The following ASTN2 variants were observed in gnomAD, a reference collection of about 807,000 sequenced individuals.
ASTN2 encodes astrotactin 2, also known as astrotactin-2.
Under a neutral mutation model 139.8 loss-of-function variants are expected in ASTN2, and 54 were observed. The observed-to-expected ratio is 0.39, with a 90% confidence interval of 0.31 to 0.48. The LOEUF is 0.48. ASTN2 is among the 20% of genes least tolerant of loss of function. The probability of loss-of-function intolerance (pLI) is 0.95; values close to 1 mark genes in which losing one functional copy is unlikely to be tolerated. For missense variants in ASTN2, 1,565 were observed against 1,725.1 expected (o/e 0.91, Z 1.64); for synonymous variants, 756 against 719.5 (o/e 1.05, Z -0.81).
At chr9:116,812,264 G>T (rs548089282) in intron 12 of ASTN2, among the ~76,000 whole-genome samples, 1 of 152,290 alleles carries the variant, frequency 6.6e-6, no homozygotes, top group East Asian at 1.9e-4. Flanking sequence ...ACATGGCAAA[G>T]GAGACTTTGA....
chr9:116,691,938 C>A (rs919429689), intron 16 of ASTN2, among the ~76,000 whole-genome samples: 6 of 152,128 alleles, frequency 3.9e-5, no homozygotes, highest in Admixed American at 2.6e-4. Flanking sequence ...GTAGGATGGA[C>A]CTTTATGTCT....
chr9:117,238,713 T>C (rs1833118496), intron 2 of ASTN2, among the ~76,000 whole-genome samples: 1 of 152,184 alleles, frequency 6.6e-6, no homozygotes, highest in African/African-American at 2.4e-5. Flanking sequence ...TGGACTCTTC[T>C]CTGATTCTCA....
intron 3 of ASTN2, among the ~76,000 whole-genome samples, chr9:117,163,368 A>G (rs1830596595): frequency 6.6e-6 from 1 of 152,082 alleles, no homozygotes; most frequent in Admixed American, 6.6e-5. Flanking sequence ...AGGACTGCCA[A>G]GTTTTCATCC....
chr9:116,634,417 C>T (rs111546860), intron 17 of ASTN2, among the ~76,000 whole-genome samples: 9,856 of 151,276 alleles, frequency 0.065, 389 homozygotes, highest in East Asian at 0.13. Context: ...GGTGAAACCC[C>T]GTCTCTACTA....
intron 7 of ASTN2, among the ~76,000 whole-genome samples, chr9:116,998,469 C>A (rs1187496660): frequency 1.3e-5 from 2 of 152,096 alleles, no homozygotes; most frequent in South Asian, 2.1e-4. Context: ...ACCCTGAGAA[C>A]TCTCCATGGT....
intron 10 of ASTN2, among the ~76,000 whole-genome samples, chr9:116,954,068 T>A (rs1203263111): frequency 6.6e-6 from 1 of 152,186 alleles, no homozygotes; most frequent in East Asian, 1.9e-4. Flanking sequence ...TAGCAGAGAT[T>A]CTAATAACAG....
intron 13 of ASTN2, among the ~76,000 whole-genome samples, chr9:116,796,888 G>A (rs1051590618): frequency 1.3e-5 from 2 of 152,044 alleles, no homozygotes; most frequent in African/African-American, 2.4e-5. Context: ...CATGGCTCAC[G>A]GCAGCCTTAA....
intron 3 of ASTN2, among the ~76,000 whole-genome samples, chr9:117,148,155 AC>A (rs549330791): frequency 6.9e-4 from 105 of 152,288 alleles, no homozygotes; most frequent in African/African-American, 2.5e-3. Context: ...ATGGACATTG[AC>A]CATATTGCCT....
At chr9:117,350,818 T>C (rs1829364856) in intron 1 of ASTN2, among the ~76,000 whole-genome samples, 2 of 152,128 alleles carry the variant, frequency 1.3e-5, no homozygotes, top group African/African-American at 4.8e-5. Context: ...TTGTCATATA[T>C]GAACAAAATG....
intron 19 of ASTN2, among the ~76,000 whole-genome samples, chr9:116,507,416 A>G (rs147418585): frequency 1.1e-4 from 16 of 152,280 alleles, no homozygotes; most frequent in African/African-American, 3.4e-4. Context: ...ACAGAGTCCA[A>G]TTAGAATCAA....
chr9:116,709,844 T>C (rs1250958087), intron 16 of ASTN2, among the ~76,000 whole-genome samples: 2 of 152,168 alleles, frequency 1.3e-5, no homozygotes, highest in African/African-American at 4.8e-5. Context: ...AATGGAACTT[T>C]CACCTCCCTT....
intron 20 of ASTN2, among the ~76,000 whole-genome samples, chr9:116,481,758 CATCTATAGGCTGTG>C (rs1849176061): frequency 3.3e-5 from 5 of 152,158 alleles, no homozygotes; most frequent in African/African-American, 1.2e-4. Flanking sequence ...CCCCACCTCC[CATCTATAGGCTGTG>C]ATCTGAGTCT....
At chr9:117,282,356 C>T (rs1834345555) in intron 2 of ASTN2, among the ~76,000 whole-genome samples, 1 of 152,200 alleles carries the variant, frequency 6.6e-6, no homozygotes, top group African/African-American at 2.4e-5. Flanking sequence ...CCAGGAGGTT[C>T]AGTGGAACTG....
intron 7 of ASTN2, among the ~76,000 whole-genome samples, chr9:116,990,504 TG>T (rs11352072): frequency 0.14 from 20,628 of 152,040 alleles, 3,217 homozygotes; most frequent in African/African-American, 0.38. Flanking sequence ...TGGCCTCAAG[TG>T]ATTGATCTGC....
At chr9:116,771,215 A>G (rs543213246) in intron 13 of ASTN2, among the ~76,000 whole-genome samples, 1 of 152,264 alleles carries the variant, frequency 6.6e-6, no homozygotes, top group African/African-American at 2.4e-5. Context: ...CAGGACTTGT[A>G]GGGCACAGTG....
chr9:117,345,118 G>T (rs1230324542), intron 1 of ASTN2, among the ~76,000 whole-genome samples: 1 of 152,086 alleles, frequency 6.6e-6, no homozygotes, highest in Non-Finnish European at 1.5e-5. Flanking sequence ...GCACAAAGGA[G>T]CCCAGGAGAG....
chr9:116,774,895 C>T (rs1177803592), intron 13 of ASTN2, among the ~76,000 whole-genome samples: 2 of 152,186 alleles, frequency 1.3e-5, no homozygotes, highest in East Asian at 3.8e-4. Flanking sequence ...CATCTACACA[C>T]ATGGGCACAT....
At chr9:116,478,229 A>AGGGGGGAGGGAG (rs1385204475) in intron 20 of ASTN2, among the ~76,000 whole-genome samples, 12 of 52,196 alleles carry the variant, frequency 2.3e-4, no homozygotes, top group African/African-American at 9.2e-4. Context: ...TGGGGGAGTA[A>AGGGGGGAGGGAG]GGGGGGAGGG....
At chr9:116,821,048 T>C (rs1831471205) in intron 11 of ASTN2, among the ~76,000 whole-genome samples, 1 of 152,216 alleles carries the variant, frequency 6.6e-6, no homozygotes, top group African/African-American at 2.4e-5. Flanking sequence ...AGCAAAGTGT[T>C]GAGAACACTG....
Sources: allele counts gnomAD v4.1 joint callset (sites outside exome capture counted in the v4.1 genomes callset), GRCh38; gene constraint gnomAD v4.1.1; transcripts MANE v1.5; gene names NCBI Gene and HGNC (gene_info 2026-07-23, HGNC 2026-07-21).